COL4A6: variants seen among roughly 807,000 people sequenced by gnomAD.
The protein encoded by COL4A6 is collagen alpha-6(IV) chain.
In COL4A6, 59 loss-of-function variants were observed where a neutral mutation model predicts 126.7. The ratio of observed to expected loss-of-function variants is 0.47; its 90% CI spans 0.38 to 0.58. The LOEUF (loss-of-function observed/expected upper bound fraction) is 0.58. Among genes scored for constraint, COL4A6 ranks in the 20% least tolerant of loss-of-function variants. The pLI is 0.00. For synonymous variants in COL4A6, 547 were observed against 496.6 expected (o/e 1.10, Z -1.35); for missense variants, 1,285 against 1,337.3 (o/e 0.96, Z 0.61).
chrX:108,250,212 G>T (rs2147669814), intron 3 of COL4A6, among the ~76,000 whole-genome samples: 1 of 110,862 alleles, frequency 9.0e-6, no homozygotes, highest in Admixed American at 9.5e-5. Context: ...ATAGAGTACT[G>T]CCTTTTACTT....
intron 42 of COL4A6, 128 bp from the exon 43 acceptor site, chrX:108,160,782 C>T: frequency 1.6e-6 from 1 of 615,882 alleles, no homozygotes; most frequent in Non-Finnish European, 2.3e-6. Context: ...CTCACGATGA[C>T]CCTGGAAAAT....
intron 2 of COL4A6, among the ~76,000 whole-genome samples, chrX:108,377,556 CTTTT>C (rs199647476): frequency 1.2e-5 from 1 of 86,452 alleles, no homozygotes; most frequent in East Asian, 3.6e-4. Context: ...AAAAAAATTT[CTTTT>C]TTTTTTTTTT....
At chrX:108,318,298 CT>C (rs896077196) in intron 2 of COL4A6, among the ~76,000 whole-genome samples, 9 of 111,763 alleles carry the variant, frequency 8.1e-5, no homozygotes, top group Non-Finnish European at 1.7e-4. Flanking sequence ...GAAGCATTCC[CT>C]TTGAAAACTG....
chrX:108,387,379 C>T (rs2040724320), intron 2 of COL4A6, among the ~76,000 whole-genome samples: 2 of 111,892 alleles, frequency 1.8e-5, no homozygotes, highest in African/African-American at 6.5e-5. Context: ...TTTGTGTCCT[C>T]TCTTATTTCC....
chrX:108,231,253 G>C (rs1015681078), intron 3 of COL4A6, among the ~76,000 whole-genome samples: 15 of 111,609 alleles, frequency 1.3e-4, no homozygotes, highest in Non-Finnish European at 2.6e-4. Context: ...AGCGTTTGAA[G>C]CAGCCAGCCC....
intron 2 of COL4A6, among the ~76,000 whole-genome samples, chrX:108,376,578 T>A (rs761879087): frequency 8.9e-6 from 1 of 111,848 alleles, no homozygotes; most frequent in Admixed American, 9.5e-5. Context: ...CACTCCAGCC[T>A]GGGCAACAGG....
chrX:108,332,470 A>G (rs1408093578), intron 2 of COL4A6, among the ~76,000 whole-genome samples: 1 of 111,943 alleles, frequency 8.9e-6, no homozygotes, highest in African/African-American at 3.2e-5. Flanking sequence ...CATTCCCACC[A>G]ACAGAATATA....
At chrX:108,165,200 G>C (rs781637030) in intron 38 of COL4A6, among the ~76,000 whole-genome samples, 162 bp from the exon 39 acceptor site, 42 of 112,214 alleles carry the variant, frequency 3.7e-4, no homozygotes, top group African/African-American at 1.3e-3. Context: ...AACCATTTTA[G>C]CAAAATGCAC....
chrX:108,311,835 C>A (rs1026249688), intron 2 of COL4A6, among the ~76,000 whole-genome samples: 1 of 111,829 alleles, frequency 8.9e-6, no homozygotes, highest in Admixed American at 9.5e-5. Context: ...TCCAACACTG[C>A]ATCTCCAATG....
At position 108,406,948 on chromosome X, in the gene COL4A6, A is replaced by C. The variant is rs12395315; in HGVS notation, c.63+30994T>G. 4.0e-3 allele frequency among the ~76,000 whole-genome samples: 452 copies of C among 111,986 alleles called. 3 individuals are homozygous for C. The highest frequency in any genetic ancestry group is 0.013 in the African/African-American group (409 of 30,820). On this transcript the variant is annotated intron_variant, in intron 2 of 44. Transcript: ENST00000334504. ...TGATATAATGATTGTGGAAGGAAGG[A>C]AGAAAGAAAGGAAGAAAGGGAGGCA...
At chrX:108,248,817 T>C (rs2036779653) in intron 3 of COL4A6, among the ~76,000 whole-genome samples, 1 of 110,309 alleles carries the variant, frequency 9.1e-6, no homozygotes, top group South Asian at 3.9e-4. Context: ...TTCATCTGTA[T>C]TTACAGCAGC....
chrX:108,429,739 A>C (rs934455858), intron 2 of COL4A6, among the ~76,000 whole-genome samples: 2 of 112,261 alleles, frequency 1.8e-5, no homozygotes, highest in African/African-American at 6.5e-5. Flanking sequence ...ACTCTAAGTC[A>C]CACAGCTAGG....
In COL4A6 at chrX:108,398,579, AAAATT is replaced by A. The variant is rs773826526; in HGVS notation, c.63+39358_63+39362del. 7.2e-5 allele frequency among the ~76,000 whole-genome samples: 8 copies of A among 111,351 alleles called. No homozygotes were observed. The East Asian group carries it at 2.2e-3, about 31-fold the overall frequency. On this transcript the variant is annotated intron_variant, in intron 2 of 44. Coordinates refer to ENST00000334504, the MANE Select transcript of COL4A6 (RefSeq NM_033641.4). ...GTTATACAGTTCTATTCATCATGCA[AAAATT>A]CACTTATGATTCGTGCACTTTTCTA...
At chrX:108,324,638 T>A (rs2039108755) in intron 2 of COL4A6, among the ~76,000 whole-genome samples, 1 of 112,327 alleles carries the variant, frequency 8.9e-6, no homozygotes, top group Admixed American at 9.4e-5. Context: ...TTTGGGGATA[T>A]ACTTATACTT....
chrX:108,257,348 G>A (rs1277135359), intron 3 of COL4A6, among the ~76,000 whole-genome samples: 1 of 111,802 alleles, frequency 8.9e-6, no homozygotes. Flanking sequence ...GTCATGCTTG[G>A]ATCTCCTGCT....
At chrX:108,270,160 T>C in intron 3 of COL4A6, among the ~76,000 whole-genome samples, 1 of 112,264 alleles carries the variant, frequency 8.9e-6, no homozygotes, top group East Asian at 2.8e-4. Context: ...TTCTCATCTG[T>C]AAAATGGAAA....
chrX:108,425,940 T>A (rs187148620), intron 2 of COL4A6, among the ~76,000 whole-genome samples: 3,337 of 111,179 alleles, frequency 0.03, 118 homozygotes, highest in African/African-American at 0.1. Context: ...TTTTGAAAAA[T>A]GTTCTAATAG....
intron 31 of COL4A6, among the ~76,000 whole-genome samples, chrX:108,173,984 T>C (rs1036457966): frequency 2.6e-4 from 29 of 112,664 alleles, no homozygotes; most frequent in East Asian, 2.8e-4. Flanking sequence ...AGGCTCAACA[T>C]GAAATGCTGG....
At chrX:108,366,843 T>A (rs2040207658) in intron 2 of COL4A6, among the ~76,000 whole-genome samples, 2 of 112,110 alleles carry the variant, frequency 1.8e-5, no homozygotes, top group Admixed American at 1.9e-4. Context: ...TACAGATTCT[T>A]TTTTGGAGAT....
Sources: allele counts gnomAD v4.1 joint callset (sites outside exome capture counted in the v4.1 genomes callset), GRCh38; gene constraint gnomAD v4.1.1; transcripts MANE v1.5; gene names NCBI Gene and HGNC (gene_info 2026-07-23, HGNC 2026-07-21).